The following STAU2 variants were observed in gnomAD, a reference collection of about 807,000 sequenced individuals.
STAU2 encodes double-stranded RNA-binding protein Staufen homolog 2.
STAU2 carries 20 observed loss-of-function variants against 65.9 expected under a neutral mutation model. The observed-to-expected ratio is 0.30, with a 90% CI of 0.21 to 0.44. STAU2 has a LOEUF of 0.44. Among genes scored for constraint, STAU2 ranks in the 20% least tolerant of loss-of-function variants. The pLI is 1.00. For synonymous variants in STAU2, 232 were observed against 233.9 expected, an observed-to-expected ratio of 0.99 and a Z score of 0.07; for missense variants, 558 against 683.9, an observed-to-expected ratio of 0.82 and a Z score of 2.05.
At position 73,706,405 on chromosome 8, in the gene STAU2, C is replaced by T. The variant is rs189354022; in HGVS notation, c.114+2627G>A. Among the ~76,000 whole-genome samples the T allele has an allele frequency of 8.8e-3, 1,347 of 152,218 alleles. 11 individuals are homozygous for T. The highest frequency in any genetic ancestry group is 0.014 in the Non-Finnish European group (980 of 68,008). ...GTTCTGGGATTACAGGCATGAGTCA[C>T]CATGCCCAGCCCCAAGAAAATTAAT... On this transcript the variant is annotated intron_variant, in intron 4 of 14. Transcript: ENST00000524300.
chr8:73,531,375 A>AAT (rs1363245450), intron 13 of STAU2, among the ~76,000 whole-genome samples: 1 of 152,234 alleles, frequency 6.6e-6, no homozygotes, highest in Non-Finnish European at 1.5e-5. Flanking sequence ...TGACTGGAGA[A>AAT]ATATAAAATC....
intron 13 of STAU2, among the ~76,000 whole-genome samples, chr8:73,448,216 G>A (rs1818582760): frequency 6.6e-6 from 1 of 152,194 alleles, no homozygotes; most frequent in Non-Finnish European, 1.5e-5. Context: ...AATCATATTG[G>A]CTTACAGGAA....
intron 3 of STAU2, among the ~76,000 whole-genome samples, chr8:73,735,109 T>G (rs1279780419): frequency 6.6e-6 from 1 of 152,168 alleles, no homozygotes; most frequent in East Asian, 1.9e-4. Context: ...TTTTTTATTT[T>G]TTGTAGAGAC....
intron 13 of STAU2, among the ~76,000 whole-genome samples, chr8:73,469,459 T>A (rs1315477421): frequency 4.1e-5 from 5 of 121,176 alleles, no homozygotes; most frequent in African/African-American, 9.8e-5. Flanking sequence ...TATAATAAAA[T>A]ATATATATAT....
At chr8:73,472,081 G>A (rs949039733) in intron 13 of STAU2, among the ~76,000 whole-genome samples, 28 of 152,130 alleles carry the variant, frequency 1.8e-4, no homozygotes, top group East Asian at 1.9e-4. Context: ...GAATGGATTC[G>A]CCTTTCATCA....
chr8:73,717,318 A>C (rs1174177364), intron 3 of STAU2, among the ~76,000 whole-genome samples: 1 of 147,676 alleles, frequency 6.8e-6, no homozygotes, highest in African/African-American at 2.5e-5. Flanking sequence ...TGTACTTTTA[A>C]TGTATATCTA....
At chr8:73,476,889 C>A (rs1007972524) in intron 13 of STAU2, among the ~76,000 whole-genome samples, 1 of 152,180 alleles carries the variant, frequency 6.6e-6, no homozygotes, top group African/African-American at 2.4e-5. Context: ...TTCTAGGTAC[C>A]ATAGAAATGT....
intron 13 of STAU2, among the ~76,000 whole-genome samples, chr8:73,444,919 C>G (rs1429578410): frequency 6.6e-6 from 1 of 152,226 alleles, no homozygotes; most frequent in African/African-American, 2.4e-5. Context: ...TTTGTTAACT[C>G]TCATTGTGTC....
chr8:73,462,296 G>A (rs899716859), intron 13 of STAU2, among the ~76,000 whole-genome samples: 31 of 151,516 alleles, frequency 2.0e-4, no homozygotes, highest in Non-Finnish European at 4.4e-4. Context: ...GTTTTCCCAT[G>A]TTGGCATGTT....
At chr8:73,582,293 C>T (rs1810041431) in intron 12 of STAU2, among the ~76,000 whole-genome samples, 1 of 151,598 alleles carries the variant, frequency 6.6e-6, no homozygotes, top group Non-Finnish European at 1.5e-5. Flanking sequence ...AATGCTTAGG[C>T]AATGTTAAGT....
intron 13 of STAU2, chr8:73,551,251 C>A: frequency 1.0e-6 from 1 of 987,386 alleles, no homozygotes; most frequent in Non-Finnish European, 1.2e-6. Context: ...GGTTTTTTCC[C>A]AGAAGGAAAC....
intron 13 of STAU2, chr8:73,550,842 G>C (rs774324595): frequency 4.8e-5 from 47 of 987,166 alleles, no homozygotes; most frequent in Non-Finnish European, 5.4e-5. Context: ...GAATCAGAAG[G>C]GTTCGGTGAA....
At chr8:73,642,383 C>T (rs1049367535) in intron 6 of STAU2, among the ~76,000 whole-genome samples, 5 of 152,018 alleles carry the variant, frequency 3.3e-5, no homozygotes, top group African/African-American at 1.2e-4. Flanking sequence ...ATTAGCTGGG[C>T]GTGGTGGCAT....
At chr8:73,442,827 G>C (rs1174863420) in intron 13 of STAU2, among the ~76,000 whole-genome samples, 2 of 152,148 alleles carry the variant, frequency 1.3e-5, no homozygotes, top group Admixed American at 1.3e-4. Context: ...ACGAGACAGA[G>C]AATTTTTTAA....
intron 13 of STAU2, among the ~76,000 whole-genome samples, chr8:73,492,559 C>T (rs1821201550): frequency 6.6e-6 from 1 of 151,914 alleles, no homozygotes; most frequent in Non-Finnish European, 1.5e-5. Flanking sequence ...ATGCCATCAA[C>T]ATACACACAC....
At chr8:73,455,011 T>C (rs1269506755) in intron 13 of STAU2, among the ~76,000 whole-genome samples, 3 of 152,078 alleles carry the variant, frequency 2.0e-5, no homozygotes, top group Non-Finnish European at 2.9e-5. Context: ...TGCTTAGAGA[T>C]AGGATTCAGC....
chr8:73,554,006 T>G (rs1807536111), intron 12 of STAU2, among the ~76,000 whole-genome samples: 1 of 152,176 alleles, frequency 6.6e-6, no homozygotes, highest in Non-Finnish European at 1.5e-5. Flanking sequence ...TGTGTTTGTG[T>G]CTGCACAAAC....
intron 3 of STAU2, among the ~76,000 whole-genome samples, chr8:73,720,451 A>G (rs774603206): frequency 6.6e-6 from 1 of 150,828 alleles, no homozygotes; most frequent in South Asian, 2.1e-4. Flanking sequence ...TGTTTTAGCA[A>G]TATCTCCTAA....
At chr8:73,674,910 G>GA (rs576391074) in intron 5 of STAU2, among the ~76,000 whole-genome samples, 20 of 146,148 alleles carry the variant, frequency 1.4e-4, no homozygotes, top group African/African-American at 3.3e-4. Flanking sequence ...TTCTCTTAAG[G>GA]AAAAAAAAAA....
Sources: gnomAD v4.1 joint callset for allele counts (sites outside exome capture counted in the v4.1 genomes callset) on GRCh38, gnomAD v4.1.1 for gene constraint, MANE v1.5 for transcripts, NCBI Gene and HGNC (gene_info 2026-07-23, HGNC 2026-07-21) for gene names.